The following PSD3 variants were observed in gnomAD, a reference collection of about 807,000 sequenced individuals.
PSD3 encodes the protein PH and SEC7 domain-containing protein 3.
Under a neutral mutation model 105.5 loss-of-function variants are expected in PSD3, and 49 were observed. That is an observed-to-expected ratio of 0.46 (90% confidence interval 0.37 to 0.59). The LOEUF (loss-of-function observed/expected upper bound fraction) is 0.59, where lower values mean the gene tolerates loss of function less well. Among genes scored for constraint, PSD3 ranks in the 20% least tolerant of loss-of-function variants. PSD3 has a pLI of 0.00. For synonymous variants in PSD3, 557 were observed against 457.8 expected (o/e 1.22, Z -2.77); for missense variants, 1,561 against 1,263.8 (o/e 1.24, Z -3.57).
rs548945133 is a variant in PSD3 at position 18,813,964 on chromosome 8, A to G, written c.1635-9066T>C. Among the ~76,000 whole-genome samples the G allele has an allele frequency of 2.0e-5, 3 of 152,348 alleles. No homozygotes were observed. In the East Asian group the frequency reaches 5.8e-4, roughly 29 times the overall value. On this transcript the variant is annotated intron_variant, in intron 4 of 15. Transcript: ENST00000327040. ...TAAGGTTATGATGACGTGAGATAAT[A>G]CATGACAGCACTTTATTAAATATAA...
rs563950733 is a variant in PSD3 at position 19,025,847 on chromosome 8, G to C, written c.324+58359C>G. ...TAGTGTCAGAAGTGTAGTGTGAATAGAGAAACTGTTTTCTTTTACCATGGT... is the reference window on the plus strand; with the variant it reads ...TAGTGTCAGAAGTGTAGTGTGAATACAGAAACTGTTTTCTTTTACCATGGT... On this transcript the variant is annotated intron_variant, in intron 1 of 1. Coordinates refer to the PSD3 transcript ENST00000521475. Among the ~76,000 whole-genome samples, 61 of 152,294 alleles carry C rather than the reference G, an allele frequency of 4.0e-4. No individual in the cohort carries two copies. The South Asian group carries it at 0.012, about 30-fold the overall frequency.
intron 1 of PSD3, among the ~76,000 whole-genome samples, chr8:19,074,809 A>G (rs1419965820): frequency 6.6e-6 from 1 of 151,076 alleles, no homozygotes; most frequent in Non-Finnish European, 1.5e-5. Context: ...TTTAGTGGAG[A>G]CGGGGTTTCA....
chr8:18,815,725 T>C (rs1563304924), intron 4 of PSD3, among the ~76,000 whole-genome samples: 1 of 152,076 alleles, frequency 6.6e-6, no homozygotes, highest in Admixed American at 6.6e-5. Flanking sequence ...CCTCTCCTGC[T>C]GACACACCCA....
intron 2 of PSD3, among the ~76,000 whole-genome samples, chr8:18,885,825 G>A (rs920008530): frequency 9.9e-5 from 15 of 152,102 alleles, no homozygotes; most frequent in African/African-American, 3.1e-4. Flanking sequence ...CTATAAAAGC[G>A]ACACTTTTAA....
chr8:18,767,998 C>A (rs573833473), intron 8 of PSD3, among the ~76,000 whole-genome samples: 1 of 150,310 alleles, frequency 6.7e-6, no homozygotes, highest in African/African-American at 2.4e-5. Flanking sequence ...AGGCCGGGCG[C>A]GGTGGCTCAC....
chr8:18,698,168 A>G (rs1801367904), intron 9 of PSD3, among the ~76,000 whole-genome samples: 1 of 152,190 alleles, frequency 6.6e-6, no homozygotes, highest in Admixed American at 6.5e-5. Flanking sequence ...GTGCGATCAT[A>G]GCTCATTGTA....
chr8:18,581,026 G>T (rs934320136), intron 12 of PSD3, among the ~76,000 whole-genome samples: 4 of 152,100 alleles, frequency 2.6e-5, no homozygotes, highest in African/African-American at 9.7e-5. Flanking sequence ...AGACTGGCAG[G>T]GACAGACACA....
intron 10 of PSD3, among the ~76,000 whole-genome samples, chr8:18,649,204 C>A (rs1053281024): frequency 6.6e-6 from 1 of 152,190 alleles, no homozygotes; most frequent in Non-Finnish European, 1.5e-5. Context: ...AAGCCATAGG[C>A]ACTCAACGCC....
chr8:18,795,998 G>A (rs745561065), intron 8 of PSD3, among the ~76,000 whole-genome samples: 1 of 151,984 alleles, frequency 6.6e-6, no homozygotes, highest in African/African-American at 2.4e-5. Flanking sequence ...TAGATAAAGA[G>A]GCATTTCAAA....
chr8:18,831,243 A>G (rs1813658312), intron 4 of PSD3, among the ~76,000 whole-genome samples: 1 of 152,242 alleles, frequency 6.6e-6, no homozygotes, highest in Admixed American at 6.5e-5. Context: ...AAGTGAAAGT[A>G]TTAAATACAC....
At chr8:18,596,019 T>G (rs1006130424) in intron 12 of PSD3, among the ~76,000 whole-genome samples, 1 of 151,960 alleles carries the variant, frequency 6.6e-6, no homozygotes, top group African/African-American at 2.4e-5. Context: ...AAACAAATCT[T>G]ACCAAATTTA....
intron 9 of PSD3, among the ~76,000 whole-genome samples, chr8:18,730,655 T>C (rs1803679831): frequency 1.3e-5 from 2 of 152,234 alleles, no homozygotes; most frequent in Non-Finnish European, 2.9e-5. Context: ...TGTTTACACA[T>C]ATTTTTGGCT....
chr8:18,605,466 T>G (rs2263522), intron 11 of PSD3, among the ~76,000 whole-genome samples: 109,870 of 151,918 alleles, frequency 0.72, 39,982 homozygotes, highest in East Asian at 0.82. Flanking sequence ...TAACTTGTTT[T>G]TGATTTTACA....
chr8:19,034,006 A>G (rs1366897582), intron 1 of PSD3, among the ~76,000 whole-genome samples: 1 of 152,196 alleles, frequency 6.6e-6, no homozygotes, highest in Non-Finnish European at 1.5e-5. Context: ...TATACAGAAA[A>G]CATTCTGAAT....
intron 9 of PSD3, among the ~76,000 whole-genome samples, chr8:18,716,175 G>T (rs1048672566): frequency 4.6e-5 from 7 of 152,136 alleles, no homozygotes; most frequent in Non-Finnish European, 1.0e-4. Flanking sequence ...ACAGTTGATT[G>T]CTGGAAAGGT....
chr8:18,919,297 C>G (rs1464402106), intron 2 of PSD3, among the ~76,000 whole-genome samples: 1 of 152,064 alleles, frequency 6.6e-6, no homozygotes, highest in Non-Finnish European at 1.5e-5. Context: ...TCTCAGAAAT[C>G]TCTTAGCATT....
chr8:19,027,533 AC>A (rs1563517449), intron 1 of PSD3, among the ~76,000 whole-genome samples: 1 of 152,244 alleles, frequency 6.6e-6, no homozygotes, highest in Non-Finnish European at 1.5e-5. Flanking sequence ...AAGTTCCACT[AC>A]AATGAGGATA....
intron 15 of PSD3, among the ~76,000 whole-genome samples, chr8:18,552,470 C>G (rs1223135159): frequency 6.6e-6 from 1 of 152,174 alleles, no homozygotes; most frequent in Non-Finnish European, 1.5e-5. Context: ...GGGAATTTCT[C>G]TAATGGTGCT....
intron 15 of PSD3, among the ~76,000 whole-genome samples, chr8:18,540,140 A>G (rs1800079517): frequency 6.6e-6 from 1 of 152,224 alleles, no homozygotes; most frequent in African/African-American, 2.4e-5. Context: ...ACATGTAAGT[A>G]GAAGTCTGCT....
Sources: allele counts gnomAD v4.1 joint callset (sites outside exome capture counted in the v4.1 genomes callset), GRCh38; gene constraint gnomAD v4.1.1; transcripts MANE v1.5; gene names NCBI Gene and HGNC (gene_info 2026-07-23, HGNC 2026-07-21).